CNTNAP5: variants seen among roughly 807,000 people sequenced by gnomAD.
CNTNAP5 encodes the protein contactin associated protein family member 5, also known as contactin-associated protein-like 5.
CNTNAP5 carries 72 observed loss-of-function variants against 150.2 expected under a neutral mutation model. The ratio of observed to expected loss-of-function variants is 0.48; its 90% CI spans 0.40 to 0.58. The LOEUF is 0.58. Among genes scored for constraint, CNTNAP5 ranks in the 20% least tolerant of loss-of-function variants. The pLI is 0.00. For synonymous variants in CNTNAP5, 672 were observed against 619.8 expected, an observed-to-expected ratio of 1.08 and a Z score of -1.25; for missense variants, 1,636 against 1,626.2, an observed-to-expected ratio of 1.01 and a Z score of -0.10.
At chr2:124,735,150 T>A (rs1680354821) in intron 13 of CNTNAP5, among the ~76,000 whole-genome samples, 1 of 152,118 alleles carries the variant, frequency 6.6e-6, no homozygotes, top group Non-Finnish European at 1.5e-5. Flanking sequence ...CCACAATAAT[T>A]AATTTTTAGT....
At chr2:124,500,345 G>A (rs1694247976) in intron 7 of CNTNAP5, among the ~76,000 whole-genome samples, 1 of 152,094 alleles carries the variant, frequency 6.6e-6, no homozygotes, top group South Asian at 2.1e-4. Flanking sequence ...CTACTAAATG[G>A]GGTTTTATAG....
At chr2:124,880,755 A>T (rs1467735391) in intron 21 of CNTNAP5, among the ~76,000 whole-genome samples, 1 of 152,132 alleles carries the variant, frequency 6.6e-6, no homozygotes, top group East Asian at 1.9e-4. Flanking sequence ...ATCTGTGAGG[A>T]TAAGACATTT....
intron 13 of CNTNAP5, among the ~76,000 whole-genome samples, chr2:124,677,965 C>A (rs528256829): frequency 6.6e-6 from 1 of 152,048 alleles, no homozygotes; most frequent in African/African-American, 2.4e-5. Flanking sequence ...GCTAAAAACA[C>A]CCCCAAGAAT....
chr2:124,196,974 A>G (rs1685602247), intron 1 of CNTNAP5, among the ~76,000 whole-genome samples: 1 of 152,246 alleles, frequency 6.6e-6, no homozygotes, highest in Non-Finnish European at 1.5e-5. Flanking sequence ...GGATAAATAT[A>G]GTAGCATGCA....
chr2:124,605,962 C>G (rs1365944781), intron 11 of CNTNAP5, among the ~76,000 whole-genome samples: 1 of 151,758 alleles, frequency 6.6e-6, no homozygotes, highest in Non-Finnish European at 1.5e-5. Context: ...TCATCTTTGT[C>G]CCCTCCCACA....
At chr2:124,029,316 G>C (rs778904802) in intron 1 of CNTNAP5, among the ~76,000 whole-genome samples, 45 of 152,144 alleles carry the variant, frequency 3.0e-4, no homozygotes, top group Middle Eastern at 3.4e-3. Flanking sequence ...AATCACGCTG[G>C]TTTTTTCAGC....
At chr2:124,064,438 A>T (rs1258960684) in intron 1 of CNTNAP5, among the ~76,000 whole-genome samples, 3 of 152,046 alleles carry the variant, frequency 2.0e-5, no homozygotes, top group East Asian at 3.9e-4. Flanking sequence ...TGACCTTTAT[A>T]CATCTTACCT....
At chr2:124,404,765 T>C (rs989899954) in intron 3 of CNTNAP5, among the ~76,000 whole-genome samples, 3 of 152,182 alleles carry the variant, frequency 2.0e-5, no homozygotes, top group African/African-American at 7.2e-5. Flanking sequence ...TGGAAGAAGA[T>C]GGGAGATTGA....
At position 124,790,067 on chromosome 2, in the gene CNTNAP5, A is replaced by T. The variant is rs755758264; in HGVS notation, c.2918A>T (p.Lys973Met). Residue 973 changes from lysine to methionine, a missense_variant, in exon 18 of 24, where the codon AAG (lysine) becomes ATG (methionine). Coordinates refer to ENST00000682447, the MANE Select transcript of CNTNAP5 (RefSeq NM_001367498.1). ...SYGSICHNGG[K>M]CVEKHNGYLC... ...GGCAGCATCTGCCACAACGGGGGCAAGTGTGTGGAGAAGCACAATGGCTAC... is the reference window on the plus strand; with the variant it reads ...GGCAGCATCTGCCACAACGGGGGCATGTGTGTGGAGAAGCACAATGGCTAC... 1 of 1,613,908 alleles carries T rather than the reference A, an allele frequency of 6.2e-7. No homozygotes were observed. Among genetic ancestry groups the T allele is most frequent in the Admixed American group, 1.7e-5 (1 of 60,012 alleles).
chr2:124,855,339 G>A (rs147431727), intron 19 of CNTNAP5, among the ~76,000 whole-genome samples: 1,895 of 151,940 alleles, frequency 0.012, 45 homozygotes, highest in African/African-American at 0.042. Flanking sequence ...CACCACGCTC[G>A]GCTAATTTTT....
intron 3 of CNTNAP5, among the ~76,000 whole-genome samples, chr2:124,388,418 C>A (rs777610387): frequency 8.5e-5 from 13 of 152,192 alleles, no homozygotes; most frequent in Non-Finnish European, 1.6e-4. Flanking sequence ...CTGAGTGCAG[C>A]CCATCTCACC....
intron 19 of CNTNAP5, among the ~76,000 whole-genome samples, chr2:124,804,092 C>T (rs1682031082): frequency 6.6e-6 from 1 of 152,216 alleles, no homozygotes; most frequent in Admixed American, 6.5e-5. Flanking sequence ...CTTTTGCTAT[C>T]TCCCAGACTT....
At chr2:124,173,641 A>AC (rs1208702731) in intron 1 of CNTNAP5, among the ~76,000 whole-genome samples, 1 of 152,258 alleles carries the variant, frequency 6.6e-6, no homozygotes, top group East Asian at 1.9e-4. Context: ...AATATCTGAA[A>AC]CTAGCACAGC....
At chr2:124,064,135 A>T (rs1682091692) in intron 1 of CNTNAP5, among the ~76,000 whole-genome samples, 1 of 152,138 alleles carries the variant, frequency 6.6e-6, no homozygotes, top group Non-Finnish European at 1.5e-5. Flanking sequence ...GCGACTTCGA[A>T]GGCCTATTCT....
At chr2:124,835,006 G>C (rs1682799718) in intron 19 of CNTNAP5, among the ~76,000 whole-genome samples, 1 of 151,510 alleles carries the variant, frequency 6.6e-6, no homozygotes, top group African/African-American at 2.4e-5. Context: ...ATTTTGAAAG[G>C]CTATTATGAG....
At chr2:124,082,187 A>G (rs1573740192) in intron 1 of CNTNAP5, among the ~76,000 whole-genome samples, 1 of 151,958 alleles carries the variant, frequency 6.6e-6, no homozygotes, top group Non-Finnish European at 1.5e-5. Context: ...GTCTCTACTA[A>G]AAATACAAAA....
intron 1 of CNTNAP5, among the ~76,000 whole-genome samples, chr2:124,113,550 G>C (rs1683353115): frequency 7.1e-6 from 1 of 141,048 alleles, no homozygotes; most frequent in Non-Finnish European, 1.6e-5. Flanking sequence ...ATTATTTGTA[G>C]TAATTTTTTA....
chr2:124,523,341 A>G (rs1573434539), intron 8 of CNTNAP5, among the ~76,000 whole-genome samples: 1 of 152,324 alleles, frequency 6.6e-6, no homozygotes, highest in Middle Eastern at 3.4e-3. Context: ...GACTATTTAC[A>G]ATTTAGAATT....
chr2:124,160,111 G>T (rs550461286), intron 1 of CNTNAP5, among the ~76,000 whole-genome samples: 1 of 152,254 alleles, frequency 6.6e-6, no homozygotes, highest in South Asian at 2.1e-4. Flanking sequence ...CCCAGTATCT[G>T]CAGTCACTAA....
Sources: gnomAD v4.1 joint callset for allele counts (sites outside exome capture counted in the v4.1 genomes callset) on GRCh38, gnomAD v4.1.1 for gene constraint, MANE v1.5 for transcripts, NCBI Gene and HGNC (gene_info 2026-07-23, HGNC 2026-07-21) for gene names.